DNAJC10: variants seen among roughly 807,000 people sequenced by gnomAD.
DNAJC10 encodes endoplasmic reticulum disulfide reductase DNAJC10.
Under a neutral mutation model 115.0 loss-of-function variants are expected in DNAJC10, and 101 were observed. The ratio of observed to expected loss-of-function variants is 0.88; its 90% CI spans 0.75 to 1.04. The LOEUF (loss-of-function observed/expected upper bound fraction) is 1.04. Ranked by LOEUF, DNAJC10 falls within the 50% of genes least tolerant of loss-of-function variation. The probability of loss-of-function intolerance (pLI) is 0.00; values close to 1 mark genes in which losing one functional copy is unlikely to be tolerated. For missense variants in DNAJC10, 981 were observed against 928.8 expected, an observed-to-expected ratio of 1.06 and a Z score of -0.73; for synonymous variants, 307 against 301.5, an observed-to-expected ratio of 1.02 and a Z score of -0.19.
rs1453692208 is a variant in DNAJC10 at position 182,788,700 on chromosome 2, A to G, written c.*11568A>G. ...GTGAGCTTATCCCACAGCACAAGTA[A>G]CGTCTATTTATCTCAGAGGAAATCC... On this transcript the variant is annotated 3_prime_UTR_variant, in exon 24 of 24. Transcript: ENST00000264065. 2.4e-6 allele frequency: 1 copy of G among 409,766 alleles called. No homozygotes were observed. The highest frequency in any genetic ancestry group is 4.8e-6 in the Non-Finnish European group (1 of 209,274). The allele number at this position is 409,766 out of a possible 1,614,324, so 25.4% of individuals were successfully genotyped here. A position where few individuals can be genotyped will look rare whatever the true frequency, so the allele number is the denominator to read the frequency against.
chr2:182,765,815 T>G (rs1182615672), intron 22 of DNAJC10, among the ~76,000 whole-genome samples: 1 of 152,238 alleles, frequency 6.6e-6, no homozygotes, highest in Non-Finnish European at 1.5e-5. Context: ...GTGTTGTATG[T>G]GCTAAAGTTG....
chr2:182,774,797 C>T (rs1694659809), intron 22 of DNAJC10, among the ~76,000 whole-genome samples: 1 of 142,212 alleles, frequency 7.0e-6, no homozygotes, highest in South Asian at 2.3e-4. Context: ...TAACCCTTTG[C>T]ACTTCCCGGG....
chr2:182,750,386 G>T (rs1487914778), intron 14 of DNAJC10, among the ~76,000 whole-genome samples: 3 of 152,130 alleles, frequency 2.0e-5, no homozygotes, highest in African/African-American at 7.2e-5. Flanking sequence ...ATGATACAGG[G>T]CAGAGAAAGA....
At chr2:182,726,195 G>T (rs950825820) in intron 5 of DNAJC10, among the ~76,000 whole-genome samples, 2 of 152,162 alleles carry the variant, frequency 1.3e-5, no homozygotes, top group Non-Finnish European at 2.9e-5. Context: ...TGTAACTGTA[G>T]ATGTGATAGA....
intron 14 of DNAJC10, among the ~76,000 whole-genome samples, chr2:182,750,363 G>A (rs1005255914): frequency 2.6e-5 from 4 of 152,074 alleles, no homozygotes; most frequent in Non-Finnish European, 4.4e-5. Context: ...GAGATGGAAT[G>A]GATAGAATTA....
In DNAJC10 at chr2:182,759,261, G is replaced by GT; in HGVS notation, c.2100dup (p.Gly701TrpfsTer11). The GT allele has an allele frequency of 6.2e-7, 1 of 1,611,046 alleles. No individual in the cohort carries two copies. Among genetic ancestry groups the GT allele is most frequent in the Non-Finnish European group, 8.5e-7 (1 of 1,179,392 alleles). ...GTGATTGATTTCTATGCTCCTTGGTGTGGACCTTGCCAGAATTTTGCTCCA... is the reference window on the plus strand; with the variant it reads ...GTGATTGATTTCTATGCTCCTTGGTGTTGGACCTTGCCAGAATTTTGCTCCA... On this transcript the variant is annotated frameshift_variant, in exon 21 of 24. Transcript: ENST00000264065. LOFTEE classifies it high-confidence loss of function.
intron 22 of DNAJC10, 75 bp downstream of exon 22, chr2:182,762,876 T>G: frequency 6.8e-7 from 1 of 1,470,636 alleles, no homozygotes; most frequent in Admixed American, 2.2e-5. Context: ...TGAGTAATGT[T>G]TTTTTTCTGT....
At chr2:182,737,373 T>G (rs1693610857) in intron 11 of DNAJC10, among the ~76,000 whole-genome samples, 1 of 152,190 alleles carries the variant, frequency 6.6e-6, no homozygotes, top group South Asian at 2.1e-4. Flanking sequence ...ATATACTCAT[T>G]TCAGAAATTC....
chr2:182,732,320 GTTTT>G (rs1260495405), intron 9 of DNAJC10, among the ~76,000 whole-genome samples, 175 bp from the exon 10 acceptor site: 1 of 136,468 alleles, frequency 7.3e-6, no homozygotes, highest in Non-Finnish European at 1.5e-5. Context: ...GTGTGTGTGT[GTTTT>G]TGTGTGTGTG....
chr2:182,768,037 G>C (rs190876099), intron 22 of DNAJC10, among the ~76,000 whole-genome samples: 1 of 152,244 alleles, frequency 6.6e-6, no homozygotes, highest in East Asian at 1.9e-4. Flanking sequence ...ATTAGGTTAA[G>C]ATCTGATGTT....
At chr2:182,737,696 G>A (rs1693618533) in intron 11 of DNAJC10, among the ~76,000 whole-genome samples, 1 of 152,120 alleles carries the variant, frequency 6.6e-6, no homozygotes, top group East Asian at 1.9e-4. Flanking sequence ...ATATTAGTCA[G>A]TGTCTCAAAT....
chr2:182,746,233 A>G (rs547311456), intron 14 of DNAJC10, among the ~76,000 whole-genome samples: 1 of 152,142 alleles, frequency 6.6e-6, no homozygotes, highest in African/African-American at 2.4e-5. Flanking sequence ...ATGATTTATA[A>G]TCCTTTGGGT....
chr2:182,791,790 TAC>T lies in DNAJC10; in HGVS notation c.*14660_*14661del, dbSNP rs1695054651. ...AGTCATTTCAGTCACATGTTTCTAA[TAC>T]ATGATAAGATTTGCAGTTATCGTTT... On this transcript the variant is annotated 3_prime_UTR_variant, in exon 24 of 24. Coordinates refer to ENST00000264065, the MANE Select transcript of DNAJC10 (RefSeq NM_018981.4). 2.6e-5 allele frequency: 4 copies of T among 152,168 alleles called. No homozygotes were observed. In the East Asian group the frequency reaches 7.7e-4, roughly 29 times the overall value. 9.4% of individuals were successfully genotyped at this position (152,168 alleles called of 1,614,324 possible). A position where few individuals can be genotyped will look rare whatever the true frequency, so the allele number is the denominator to read the frequency against.
chr2:182,756,171 T>C, intron 17 of DNAJC10, 143 bp from the exon 18 acceptor site: 3 of 644,960 alleles, frequency 4.7e-6, no homozygotes, highest in African/African-American at 1.9e-5. Flanking sequence ...CCAAGATATA[T>C]GCAAATATTC....
At chr2:182,735,359 A>G (rs1693558086) in intron 10 of DNAJC10, among the ~76,000 whole-genome samples, 2 of 151,978 alleles carry the variant, frequency 1.3e-5, no homozygotes, top group African/African-American at 4.8e-5. Context: ...TCTTAAATGC[A>G]GTAAAGTGAA....
chr2:182,744,464 C>T (rs752706545), intron 14 of DNAJC10, among the ~76,000 whole-genome samples: 27 of 151,990 alleles, frequency 1.8e-4, no homozygotes, highest in Non-Finnish European at 2.9e-4. Flanking sequence ...ATATTAATGA[C>T]AACAAGATCA....
In DNAJC10 at chr2:182,777,707, C is replaced by G. The variant is rs1694745055; in HGVS notation, c.*575C>G. 5 of 152,202 alleles carry G rather than the reference C, an allele frequency of 3.3e-5. No individual in the cohort carries two copies. The South Asian group carries it at 8.3e-4, about 25-fold the overall frequency. The allele number at this position is 152,202 out of a possible 1,614,324, so 9.4% of individuals were successfully genotyped here. A position where few individuals can be genotyped will look rare whatever the true frequency, so the allele number is the denominator to read the frequency against. ...TATTTATATTTCGTTTTAAAAACACCCATGATGTGGCACAGTAAACAAACC... is the reference window on the plus strand; with the variant it reads ...TATTTATATTTCGTTTTAAAAACACGCATGATGTGGCACAGTAAACAAACC... On this transcript the variant is annotated 3_prime_UTR_variant, in exon 24 of 24. Coordinates refer to ENST00000264065, the MANE Select transcript of DNAJC10 (RefSeq NM_018981.4).
chr2:182,746,870 T>C (rs371432964), intron 14 of DNAJC10, among the ~76,000 whole-genome samples: 5 of 151,910 alleles, frequency 3.3e-5, no homozygotes, highest in Admixed American at 6.6e-5. Context: ...TTAGGTCTAA[T>C]GTTTAAGTCT....
chr2:182,722,752 C>T lies in DNAJC10; in HGVS notation c.418+677C>T, dbSNP rs116343210. 8.5e-3 allele frequency among the ~76,000 whole-genome samples: 1,293 copies of T among 152,024 alleles called. 13 individuals are homozygous for T. The highest frequency in any genetic ancestry group is 0.03 in the African/African-American group (1,246 of 41,474). ...GATCAGGAGTTAGAAACCAGCCTGGCCAACATGGGGAAAACCCTCTCTACT... is the reference window on the plus strand; with the variant it reads ...GATCAGGAGTTAGAAACCAGCCTGGTCAACATGGGGAAAACCCTCTCTACT... On this transcript the variant is annotated intron_variant, in intron 5 of 23. Transcript: ENST00000264065.
Sources: gnomAD v4.1 joint callset for allele counts (sites outside exome capture counted in the v4.1 genomes callset) on GRCh38, gnomAD v4.1.1 for gene constraint, MANE v1.5 for transcripts, NCBI Gene and HGNC (gene_info 2026-07-23, HGNC 2026-07-21) for gene names.